The following EYS variants were observed in gnomAD, a reference collection of about 807,000 sequenced individuals.
The protein encoded by EYS is EGF-like photoreceptor maintenance factor, also known as protein eyes shut homolog.
A neutral mutation model predicts 282.1 loss-of-function variants in EYS; 250 were observed. That is an observed-to-expected ratio of 0.89 (90% CI 0.80 to 0.98). The LOEUF is 0.98. Among genes scored for constraint, EYS ranks in the 50% least tolerant of loss-of-function variants. The probability of loss-of-function intolerance (pLI) is 0.00; values close to 1 mark genes in which losing one functional copy is unlikely to be tolerated. For missense variants in EYS, 4,016 were observed against 3,709.0 expected (o/e 1.08, Z -2.15); for synonymous variants, 1,355 against 1,282.9 (o/e 1.06, Z -1.20).
At chr6:65,133,921 A>G (rs1185953358) in intron 12 of EYS, among the ~76,000 whole-genome samples, 7 of 134,500 alleles carry the variant, frequency 5.2e-5, no homozygotes, top group African/African-American at 2.1e-4. Flanking sequence ...CAAATTTACA[A>G]GAAAAAAAAA....
intron 33 of EYS, among the ~76,000 whole-genome samples, chr6:64,017,564 T>A (rs1372958946): frequency 6.6e-6 from 1 of 152,210 alleles, no homozygotes; most frequent in Non-Finnish European, 1.5e-5. Flanking sequence ...ACCTGATGCA[T>A]AATGCACACA....
At chr6:65,560,271 CAT>C (rs1178070619) in intron 2 of EYS, among the ~76,000 whole-genome samples, 4 of 140,232 alleles carry the variant, frequency 2.9e-5, no homozygotes, top group African/African-American at 1.0e-4. Flanking sequence ...TAATATATAA[CAT>C]ATAACATATT....
chr6:64,255,713 G>C (rs1767372532), intron 30 of EYS, among the ~76,000 whole-genome samples: 1 of 151,916 alleles, frequency 6.6e-6, no homozygotes, highest in Non-Finnish European at 1.5e-5. Context: ...ATATGTGTAA[G>C]TGTGTGTATG....
At chr6:64,608,238 G>C (rs906560937) in intron 24 of EYS, among the ~76,000 whole-genome samples, 1 of 152,020 alleles carries the variant, frequency 6.6e-6, no homozygotes, top group Non-Finnish European at 1.5e-5. Context: ...CTACTATGTT[G>C]TATCTGCCTG....
At chr6:63,863,989 TA>T (rs1449850443) in intron 36 of EYS, among the ~76,000 whole-genome samples, 196 bp downstream of exon 36, 3 of 152,134 alleles carry the variant, frequency 2.0e-5, no homozygotes, top group African/African-American at 7.2e-5. Context: ...TTTTGTTAAT[TA>T]CTTGATGGGT....
chr6:63,915,670 A>T (rs1170534875), intron 35 of EYS, among the ~76,000 whole-genome samples: 1 of 152,238 alleles, frequency 6.6e-6, no homozygotes, highest in Non-Finnish European at 1.5e-5. Context: ...CCTATGATTC[A>T]TGGGAGGTGG....
intron 2 of EYS, among the ~76,000 whole-genome samples, chr6:65,616,657 G>A (rs925783325): frequency 3.3e-5 from 5 of 151,924 alleles, no homozygotes; most frequent in East Asian, 2.0e-4. Context: ...GTGGTGGCAC[G>A]TGCCTGTACT....
At chr6:64,063,842 G>A (rs943248274) in intron 33 of EYS, among the ~76,000 whole-genome samples, 1 of 152,030 alleles carries the variant, frequency 6.6e-6, no homozygotes. Context: ...GGATTCTCCC[G>A]CCTCAGCCTC....
intron 12 of EYS, among the ~76,000 whole-genome samples, chr6:65,145,919 C>T (rs61680343): frequency 0.26 from 39,024 of 151,518 alleles, 5,365 homozygotes; most frequent in African/African-American, 0.35. Flanking sequence ...GTTTAAAAAA[C>T]GTTTTTACAT....
intron 22 of EYS, among the ~76,000 whole-genome samples, chr6:64,781,152 A>T (rs1583150990): frequency 6.6e-6 from 1 of 152,188 alleles, no homozygotes; most frequent in East Asian, 1.9e-4. Context: ...AGATTTGGCA[A>T]ATAAAAATAG....
intron 13 of EYS, among the ~76,000 whole-genome samples, chr6:65,028,393 C>G (rs751644974): frequency 1.3e-5 from 2 of 151,604 alleles, no homozygotes; most frequent in African/African-American, 4.8e-5. Context: ...ATATTATGAA[C>G]CTTTATCCTT....
chr6:65,034,379 A>C (rs972040107), intron 13 of EYS, among the ~76,000 whole-genome samples: 22 of 152,132 alleles, frequency 1.4e-4, no homozygotes, highest in African/African-American at 3.9e-4. Flanking sequence ...TGGTAGAATG[A>C]TATAGCATGG....
At chr6:65,356,075 T>C (rs778213880) in intron 8 of EYS, among the ~76,000 whole-genome samples, 1 of 152,088 alleles carries the variant, frequency 6.6e-6, no homozygotes, top group Non-Finnish European at 1.5e-5. Flanking sequence ...GGGATCAATC[T>C]AAGTGTCCAC....
At chr6:64,617,046 A>C (rs1282979369) in intron 24 of EYS, among the ~76,000 whole-genome samples, 1 of 152,142 alleles carries the variant, frequency 6.6e-6, no homozygotes, top group East Asian at 1.9e-4. Flanking sequence ...CCAACCCTGG[A>C]AGTAGTACTA....
At chr6:63,996,073 T>C (rs1384377184) in intron 34 of EYS, among the ~76,000 whole-genome samples, 1 of 151,978 alleles carries the variant, frequency 6.6e-6, no homozygotes, top group Non-Finnish European at 1.5e-5. Flanking sequence ...TATATACTAT[T>C]ATTACCTGTC....
intron 26 of EYS, among the ~76,000 whole-genome samples, chr6:64,483,179 G>A (rs1776487609): frequency 6.6e-6 from 1 of 151,550 alleles, no homozygotes; most frequent in Admixed American, 6.6e-5. Context: ...AGTGTGAAAA[G>A]CCATGGACAA....
At chr6:65,234,761 T>C (rs2150271022) in intron 12 of EYS, among the ~76,000 whole-genome samples, 1 of 152,304 alleles carries the variant, frequency 6.6e-6, no homozygotes, top group South Asian at 2.1e-4. Flanking sequence ...AAAGTGTTTG[T>C]ATAATATGGA....
chr6:65,677,032 G>A (rs1310412472), intron 1 of EYS, among the ~76,000 whole-genome samples: 1 of 90,556 alleles, frequency 1.1e-5, no homozygotes, highest in African/African-American at 4.2e-5. Context: ...AAAAAAACTA[G>A]AAATTGAAAA....
chr6:65,568,783 TATCTC>T (rs1469762934), intron 2 of EYS, among the ~76,000 whole-genome samples: 1 of 152,152 alleles, frequency 6.6e-6, no homozygotes, highest in Non-Finnish European at 1.5e-5. Context: ...ACTCATGACT[TATCTC>T]AAGAATACAA....
Sources: gnomAD v4.1 joint callset for allele counts (sites outside exome capture counted in the v4.1 genomes callset) on GRCh38, gnomAD v4.1.1 for gene constraint, MANE v1.5 for transcripts, NCBI Gene and HGNC (gene_info 2026-07-23, HGNC 2026-07-21) for gene names.